The following PRDX4 variants were observed in gnomAD, a reference collection of about 807,000 sequenced individuals.
PRDX4 encodes the protein peroxiredoxin 4, also known as peroxiredoxin-4.
In PRDX4, 12 loss-of-function variants were observed where a neutral mutation model predicts 20.5. The ratio of observed to expected loss-of-function variants is 0.58; its 90% confidence interval spans 0.37 to 0.95. The LOEUF (loss-of-function observed/expected upper bound fraction) is 0.95, where lower values mean the gene tolerates loss of function less well. Ranked by LOEUF, PRDX4 falls within the 40% of genes least tolerant of loss-of-function variation. The pLI is 0.01. For synonymous variants in PRDX4, 99 were observed against 87.5 expected, an observed-to-expected ratio of 1.13 and a Z score of -0.73; for missense variants, 180 against 207.3, an observed-to-expected ratio of 0.87 and a Z score of 0.81.
chrX:23,684,674 T>C (rs1456549207), intron 6 of PRDX4, among the ~76,000 whole-genome samples: 1 of 110,203 alleles, frequency 9.1e-6, no homozygotes, highest in Admixed American at 9.8e-5. Context: ...CTAATTTTTG[T>C]ATTTTTTGGT....
intron 2 of PRDX4, 122 bp from the exon 3 acceptor site, chrX:23,674,868 A>G: frequency 2.1e-6 from 2 of 946,195 alleles, no homozygotes; most frequent in East Asian, 3.4e-5. Context: ...AAAGGTTCAA[A>G]TATAAAATTG....
Position 23,682,391 on chromosome X carries a change from T to C in PRDX4, c.600-5T>C, listed in dbSNP as rs1928089738. ...CCTCATCTCTACCATTCTTCTGTTTTACAGAGGTCTCTTCATTATTGATGA... is the reference window on the plus strand; with the variant it reads ...CCTCATCTCTACCATTCTTCTGTTTCACAGAGGTCTCTTCATTATTGATGA... On this transcript the variant is annotated splice_polypyrimidine_tract_variant and splice_region_variant and intron_variant, in intron 4 of 6. Transcript: ENST00000379341. 3 of 1,142,044 alleles carry C rather than the reference T, an allele frequency of 2.6e-6. No homozygotes were observed. The highest frequency in any genetic ancestry group is 6.6e-5 in the East Asian group (2 of 30,326). 94.1% of individuals were successfully genotyped at this position (1,142,044 alleles called of 1,213,427 possible).
intron 1 of PRDX4, among the ~76,000 whole-genome samples, chrX:23,669,266 C>G (rs1927796858): frequency 8.9e-6 from 1 of 112,058 alleles, no homozygotes; most frequent in South Asian, 3.7e-4. Context: ...ATTTTAAAAT[C>G]AGTATTTCCA....
chrX:23,679,913 C>T (rs998711450), intron 4 of PRDX4, among the ~76,000 whole-genome samples: 4 of 111,812 alleles, frequency 3.6e-5, no homozygotes, highest in East Asian at 2.8e-4. Flanking sequence ...ACCCAGGAGG[C>T]GGAGGTTGCG....
Position 23,672,592 on chromosome X carries a change from A to G in PRDX4, c.359+946A>G, listed in dbSNP as rs185810109. Among the ~76,000 whole-genome samples, 201 of 112,401 alleles carry G rather than the reference A, an allele frequency of 1.8e-3. 1 individual carries two copies. The highest frequency in any genetic ancestry group is 5.9e-3 in the African/African-American group (182 of 31,002). On this transcript the variant is annotated intron_variant, in intron 2 of 6. Transcript: ENST00000379341. ...TTTTGAGTGTTTTTCAAAATTCATGAAAGTGAGAAGAGACCAAAAAGAGTT... is the reference window on the plus strand; with the variant it reads ...TTTTGAGTGTTTTTCAAAATTCATGGAAGTGAGAAGAGACCAAAAAGAGTT...
chrX:23,671,780 G>T (rs975609371), intron 2 of PRDX4, 134 bp downstream of exon 2: 3 of 439,322 alleles, frequency 6.8e-6, no homozygotes, highest in Non-Finnish European at 1.1e-5. Context: ...TATTTAAAAA[G>T]GTAACATCTA....
At chrX:23,673,225 T>C (rs1927879728) in intron 2 of PRDX4, among the ~76,000 whole-genome samples, 1 of 112,326 alleles carries the variant, frequency 8.9e-6, no homozygotes, top group Non-Finnish European at 1.9e-5. Flanking sequence ...AGATAGTTAA[T>C]TGGAGCATGT....
At chrX:23,675,195 T>A in intron 3 of PRDX4, 89 bp downstream of exon 3, 1 of 1,193,369 alleles carries the variant, frequency 8.4e-7, no homozygotes, top group East Asian at 3.0e-5. Flanking sequence ...GATATAAGAA[T>A]ATAGTCATTT....
Position 23,667,604 on chromosome X carries a change from C to T in PRDX4, c.34C>T (p.Pro12Ser), listed in dbSNP as rs1416474625. Residue 12 changes from proline (P) to serine (S), a missense_variant, in exon 1 of 7, where the codon CCG becomes TCG. By Grantham distance (74) the Pro-to-Ser change is moderately conservative (BLOSUM62 -1). Coordinates refer to ENST00000379341, the MANE Select transcript of PRDX4 (RefSeq NM_006406.2). ...GCTGCCGCTGCTAGCCGCGACAACT[C>T]CGGACCACGGCCGCCACCGAAGGCT... ...EALPLLAATT[P>S]DHGRHRRLLL... is the part of the protein sequence containing the mutation. 6.7e-6 allele frequency: 8 copies of T among 1,192,195 alleles called. No homozygotes were observed. Among genetic ancestry groups the T allele is most frequent in the African/African-American group, 3.5e-5 (2 of 57,055 alleles).
chrX:23,675,130 G>A lies in PRDX4; in HGVS notation c.476+24G>A, dbSNP rs188823086. ...TGGTCAGTATCTTACACTTATATTC[G>A]TAGAAAAAAAAGAATGGATTTACTC... On this transcript the variant is annotated intron_variant, in intron 3 of 6. Transcript: ENST00000379341. The A allele has an allele frequency of 9.3e-5, 112 of 1,208,208 alleles. No homozygotes were observed. The African/African-American group carries it at 1.4e-3, about 15-fold the overall frequency.
intron 3 of PRDX4, among the ~76,000 whole-genome samples, chrX:23,676,121 A>G (rs1927940349): frequency 1.0e-5 from 1 of 95,996 alleles, no homozygotes; most frequent in Non-Finnish European, 2.1e-5. Flanking sequence ...GGGCAATGAG[A>G]GTGAAACTCC....
At position 23,682,433 on chromosome X, in the gene PRDX4, C is replaced by G. The variant is rs1301436930; in HGVS notation, c.637C>G (p.Gln213Glu). ...TATTGATGACAAAGGAATCCTAAGACAAATTACTCTGAATGATCTTCCTGT... is the reference window on the plus strand; with the variant it reads ...TATTGATGACAAAGGAATCCTAAGAGAAATTACTCTGAATGATCTTCCTGT... ...FIIDDKGILR[Q>E]ITLNDLPVGR... The change falls in exon 5 of 7, where the codon CAA becomes GAA. Residue 213 changes from glutamine to glutamate, a missense_variant. Physicochemically the swap from Gln to Glu is conservative, Grantham distance 29 (BLOSUM62 2). Transcript: ENST00000379341. 2 of 1,178,225 alleles carry G rather than the reference C, an allele frequency of 1.7e-6. No homozygotes were observed. Among genetic ancestry groups the G allele is most frequent in the Admixed American group, 4.5e-5 (2 of 44,243 alleles).
At chrX:23,671,477 A>G (rs1017883645) in intron 1 of PRDX4, 52 bp from the exon 2 acceptor site, 1 of 974,255 alleles carries the variant, frequency 1.0e-6, no homozygotes, top group Non-Finnish European at 1.4e-6. Flanking sequence ...TCCTTCTACC[A>G]TTCCACCAAC....
chrX:23,686,153 T>A, intron 6 of PRDX4, 132 bp from the exon 7 acceptor site: 1 of 477,439 alleles, frequency 2.1e-6, no homozygotes. Flanking sequence ...ACAAATCTCA[T>A]TTTTTTCTAA....
chrX:23,675,207 T>A, intron 3 of PRDX4, 101 bp downstream of exon 3: 1 of 1,179,608 alleles, frequency 8.5e-7, no homozygotes, highest in Non-Finnish European at 1.1e-6. Flanking sequence ...TAGTCATTTA[T>A]CAGACAATTC....
chrX:23,667,868 G>T, intron 1 of PRDX4, 57 bp downstream of exon 1: 1 of 1,187,233 alleles, frequency 8.4e-7, no homozygotes, highest in Non-Finnish European at 1.1e-6. Flanking sequence ...CGTGTACCCC[G>T]GTTACACCCC....
At chrX:23,676,136 CAAAAAAAAAAAAAAA>C (rs55792240) in intron 3 of PRDX4, among the ~76,000 whole-genome samples, 800 of 54,975 alleles carry the variant, frequency 0.015, 8 homozygotes, top group Non-Finnish European at 0.021. Flanking sequence ...AACTCCATCT[CAAAAAAAAAAAAAAA>C]AAAAAAAAAA....
chrX:23,674,978 T>C lies in PRDX4; in HGVS notation c.360-12T>C. 1 of 1,201,483 alleles carries C rather than the reference T, an allele frequency of 8.3e-7. No individual in the cohort carries two copies. The highest frequency in any genetic ancestry group is 1.1e-6 in the Non-Finnish European group (1 of 890,887). On this transcript the variant is annotated splice_polypyrimidine_tract_variant and intron_variant, in intron 2 of 6. Coordinates refer to ENST00000379341, the MANE Select transcript of PRDX4 (RefSeq NM_006406.2). ...GGAGAATACTGAATATTTTTTTTTT[T>C]TTACCTTTCAGCACATTTGTGTGTC...
intron 5 of PRDX4, among the ~76,000 whole-genome samples, chrX:23,682,751 T>C (rs1378783641): frequency 1.1e-5 from 1 of 92,223 alleles, no homozygotes; most frequent in African/African-American, 4.1e-5. Context: ...GAGGCCAAGG[T>C]AGGAGGATTG....
Sources: gnomAD v4.1 joint callset for allele counts (sites outside exome capture counted in the v4.1 genomes callset) on GRCh38, gnomAD v4.1.1 for gene constraint, MANE v1.5 for transcripts, NCBI Gene and HGNC (gene_info 2026-07-23, HGNC 2026-07-21) for gene names.